The following SIPA1L3 variants were observed in gnomAD, a reference collection of about 807,000 sequenced individuals.
The protein encoded by SIPA1L3 is signal-induced proliferation-associated 1-like protein 3.
In SIPA1L3, 59 loss-of-function variants were observed where a neutral mutation model predicts 150.1. That is an observed-to-expected ratio of 0.39 (90% confidence interval 0.32 to 0.49). The LOEUF is 0.49. Ranked by LOEUF, SIPA1L3 falls within the 20% of genes least tolerant of loss-of-function variation. The pLI, the probability that SIPA1L3 is intolerant of heterozygous loss-of-function variation, is 0.86. For missense variants in SIPA1L3, 2,211 were observed against 2,489.5 expected (o/e 0.89, Z 2.38); for synonymous variants, 1,070 against 1,077.6 (o/e 0.99, Z 0.14).
chr19:38,003,023 G>C (rs1967846538), intron 1 of SIPA1L3, among the ~76,000 whole-genome samples: 1 of 152,088 alleles, frequency 6.6e-6, no homozygotes, highest in Non-Finnish European at 1.5e-5. Context: ...GCATGCTGCT[G>C]TAGTCTCAGC....
At chr19:38,048,401 C>G (rs1043918559) in intron 2 of SIPA1L3, among the ~76,000 whole-genome samples, 6 of 152,180 alleles carry the variant, frequency 3.9e-5, no homozygotes, top group African/African-American at 1.4e-4. Context: ...ATCAGGGCCA[C>G]TTGCCCTTGT....
At position 38,164,416 on chromosome 19, in the gene SIPA1L3, C is replaced by A; in HGVS notation, c.3781-63C>A. On this transcript the variant is annotated intron_variant, in intron 14 of 21. Coordinates refer to ENST00000222345, the MANE Select transcript of SIPA1L3 (RefSeq NM_015073.3). The surrounding 1 kb of genome is among the most constrained non-coding windows in gnomAD (Gnocchi z 4.1). Reference sequence around the variant, plus strand: ...TTCAGGCCCAGGCAGAGGGAGGACCCGGCAAGGGAAGATGCGCCCCTGCCC... The same window carrying A: ...TTCAGGCCCAGGCAGAGGGAGGACCAGGCAAGGGAAGATGCGCCCCTGCCC... 6.7e-7 allele frequency: 1 copy of A among 1,488,458 alleles called. No homozygotes were observed. Among genetic ancestry groups the A allele is most frequent in the Non-Finnish European group, 9.2e-7 (1 of 1,090,306 alleles). 92.2% of individuals were successfully genotyped at this position (1,488,458 alleles called of 1,614,324 possible). A position where few individuals can be genotyped will look rare whatever the true frequency, so the allele number is the denominator to read the frequency against.
chr19:38,005,873 C>T (rs1967927458), intron 1 of SIPA1L3, among the ~76,000 whole-genome samples: 2 of 152,058 alleles, frequency 1.3e-5, no homozygotes, highest in South Asian at 4.1e-4. Flanking sequence ...CATGCTGAAA[C>T]CCCATCTCTA....
At chr19:38,022,878 G>C (rs1051027632) in intron 1 of SIPA1L3, among the ~76,000 whole-genome samples, 8 of 152,232 alleles carry the variant, frequency 5.3e-5, no homozygotes, top group Admixed American at 2.0e-4. Flanking sequence ...AGTAGGTGAA[G>C]TGAAGTTTGT....
chr19:38,043,380 GAAAT>G (rs891433780), intron 2 of SIPA1L3, among the ~76,000 whole-genome samples: 3 of 151,988 alleles, frequency 2.0e-5, no homozygotes, highest in African/African-American at 7.2e-5. Flanking sequence ...GAGAAAGAAA[GAAAT>G]AGAGAAAAAG....
At chr19:38,119,268 C>A in intron 8 of SIPA1L3, 38 bp from the exon 9 acceptor site, 1 of 1,559,976 alleles carries the variant, frequency 6.4e-7, no homozygotes, top group Admixed American at 1.8e-5. Context: ...GTCTTAGTGC[C>A]TTTCTTCCCA....
intron 13 of SIPA1L3, among the ~76,000 whole-genome samples, chr19:38,154,689 A>G (rs1018623294): frequency 6.7e-6 from 1 of 148,718 alleles, no homozygotes; most frequent in Admixed American, 6.7e-5. Context: ...CTTGTGATCC[A>G]CCCGCCTCAG....
chr19:38,123,832 TAGGGGTGGCCGGG>T (rs1971093016), intron 9 of SIPA1L3, among the ~76,000 whole-genome samples: 1 of 109,684 alleles, frequency 9.1e-6, no homozygotes, highest in East Asian at 2.7e-4. Flanking sequence ...CACTTCCCAG[TAGGGGTGGCCGGG>T]CAGAGGCGCC....
At chr19:37,961,076 C>T (rs986929332) in intron 1 of SIPA1L3, among the ~76,000 whole-genome samples, 1 of 151,728 alleles carries the variant, frequency 6.6e-6, no homozygotes, top group Non-Finnish European at 1.5e-5. Flanking sequence ...ACCATCTTGG[C>T]CAGGGTGATC....
chr19:37,907,542 A>C (rs1347892192), intron 1 of SIPA1L3, 184 bp downstream of exon 1: 1 of 152,126 alleles, frequency 6.6e-6, no homozygotes, highest in Non-Finnish European at 1.5e-5. Flanking sequence ...TCAACTTTCC[A>C]GGCGTGCACC....
At chr19:38,101,957 ATGCTTCG>A (rs780170078) in intron 6 of SIPA1L3, among the ~76,000 whole-genome samples, 52 of 152,302 alleles carry the variant, frequency 3.4e-4, no homozygotes, top group Non-Finnish European at 6.9e-4. Flanking sequence ...AGAGAGCCAC[ATGCTTCG>A]TGCTGCGCAA....
chr19:38,039,197 T>G (rs1473325540), intron 2 of SIPA1L3, among the ~76,000 whole-genome samples: 1 of 152,112 alleles, frequency 6.6e-6, no homozygotes, highest in African/African-American at 2.4e-5. Context: ...TTTCTGATTA[T>G]CAAAGTAATG....
chr19:37,934,965 C>T (rs2046587647), intron 1 of SIPA1L3, among the ~76,000 whole-genome samples: 1 of 152,074 alleles, frequency 6.6e-6, no homozygotes, highest in Non-Finnish European at 1.5e-5. Context: ...TCCCTTTTCT[C>T]CTAGAGTTTT....
intron 2 of SIPA1L3, among the ~76,000 whole-genome samples, chr19:38,040,366 GTT>G (rs5828001): frequency 2.2e-4 from 33 of 149,722 alleles, no homozygotes; most frequent in African/African-American, 5.6e-4. Context: ...CCATTAGACA[GTT>G]TTTTTTTTTA....
chr19:38,088,168 C>T (rs992519437), intron 3 of SIPA1L3, among the ~76,000 whole-genome samples: 1 of 152,258 alleles, frequency 6.6e-6, no homozygotes, highest in Non-Finnish European at 1.5e-5. Context: ...ATGTGCCTGG[C>T]ACGGTGCTGA....
intron 1 of SIPA1L3, among the ~76,000 whole-genome samples, chr19:38,000,910 AAC>A (rs1568495930): frequency 2.5e-5 from 2 of 79,192 alleles, no homozygotes; most frequent in Non-Finnish European, 5.2e-5. Flanking sequence ...ATATATATAT[AAC>A]ATATATATAA....
intron 1 of SIPA1L3, among the ~76,000 whole-genome samples, chr19:38,016,351 C>T (rs771973491): frequency 8.5e-5 from 13 of 152,186 alleles, no homozygotes; most frequent in Admixed American, 2.6e-4. Context: ...ACTATATATA[C>T]GAATCAAAAC....
chr19:38,065,038 T>A (rs1459825158), intron 2 of SIPA1L3, among the ~76,000 whole-genome samples: 2 of 152,250 alleles, frequency 1.3e-5, no homozygotes, highest in Non-Finnish European at 2.9e-5. Context: ...AAAAATTTCA[T>A]CTCTCTACGC....
chr19:38,102,591 T>TG (rs1270615637), intron 6 of SIPA1L3, among the ~76,000 whole-genome samples: 27 of 93,268 alleles, frequency 2.9e-4, no homozygotes, highest in African/African-American at 1.3e-3. Context: ...ACCCTGTCTC[T>TG]GAAAAAAAAA....
Sources: allele counts gnomAD v4.1 joint callset (sites outside exome capture counted in the v4.1 genomes callset), GRCh38; gene constraint gnomAD v4.1.1; non-coding constraint Gnocchi (gnomAD v3.1); transcripts MANE v1.5; gene names NCBI Gene and HGNC (gene_info 2026-07-23, HGNC 2026-07-21).